PALS2: variants seen among roughly 807,000 people sequenced by gnomAD.
The protein encoded by PALS2 is protein PALS2.
PALS2 carries 27 observed loss-of-function variants against 61.6 expected under a neutral mutation model. That is an observed-to-expected ratio of 0.44 (90% CI 0.32 to 0.60). The LOEUF (loss-of-function observed/expected upper bound fraction) is 0.60, where lower values mean the gene tolerates loss of function less well. Among genes scored for constraint, PALS2 ranks in the 20% least tolerant of loss-of-function variants. PALS2 has a pLI of 0.05. For missense variants in PALS2, 554 were observed against 639.4 expected, an observed-to-expected ratio of 0.87 and a Z score of 1.44; for synonymous variants, 236 against 218.6, an observed-to-expected ratio of 1.08 and a Z score of -0.70.
chr7:24,641,064 G>A (rs1388789790), intron 2 of PALS2, among the ~76,000 whole-genome samples: 1 of 149,932 alleles, frequency 6.7e-6, no homozygotes, highest in Non-Finnish European at 1.5e-5. Context: ...TGTGGTTGAC[G>A]GTCTATTTTC....
intron 10 of PALS2, among the ~76,000 whole-genome samples, chr7:24,679,707 C>A (rs556834098): frequency 6.5e-5 from 9 of 138,712 alleles, no homozygotes; most frequent in Admixed American, 6.3e-4. Flanking sequence ...ACCTGACACA[C>A]ATGCACACCT....
intron 1 of PALS2, among the ~76,000 whole-genome samples, chr7:24,590,960 C>CGAA (rs1783262438): frequency 2.0e-5 from 3 of 151,930 alleles, no homozygotes; most frequent in Admixed American, 2.0e-4. Context: ...ACCAGCAAGC[C>CGAA]TTTCTTATCT....
chr7:24,674,732 T>C (rs1158522346), intron 9 of PALS2: 1 of 152,220 alleles, frequency 6.6e-6, no homozygotes, highest in Non-Finnish European at 1.5e-5. Context: ...GTTATAAAAT[T>C]AAGGTGATTT....
In PALS2 at chr7:24,573,772, C is replaced by T. The variant is rs1374001605; in HGVS notation, c.-3+179C>T. On this transcript the variant is annotated intron_variant, in intron 1 of 11. Coordinates refer to ENST00000222644, the MANE Select transcript of PALS2 (RefSeq NM_001303037.2). This position sits in a 1 kb window ranked among gnomAD's most constrained non-coding sequence, Gnocchi z 5.3. ...AGGGACCGGCAGGCGGCGGCGGCGG[C>T]GCCGCGGTCGGGGAGGCTGCTGGCC... 6.8e-6 allele frequency among the ~76,000 whole-genome samples: 1 copy of T among 146,810 alleles called. No individual in the cohort carries two copies. The highest frequency in any genetic ancestry group is 1.5e-5 in the Non-Finnish European group (1 of 65,964).
rs1334918854 is a variant in PALS2, at chr7:24,650,632, C to T, written c.571C>T (p.Gln191Ter). The T allele has an allele frequency of 2.5e-6, 4 of 1,612,014 alleles. No homozygotes were observed. The highest frequency in any genetic ancestry group is 3.3e-5 in the Admixed American group (2 of 59,926). Residue 191 changes from glutamine (Q) to a stop codon, truncating the protein, a stop_gained, in exon 5 of 12, where the codon CAA becomes TAA. Transcript: ENST00000222644. LOFTEE classifies it high-confidence loss of function. ...GGTTGGAAATAATCCAAAGGAATTA[C>T]AAGAATTACTGAAAAATATTAGTGG... ...HEVGNNPKEL[Q>*]ELLKNISGSV...
At chr7:24,648,555 A>G (rs1785964854) in intron 3 of PALS2, among the ~76,000 whole-genome samples, 1 of 151,894 alleles carries the variant, frequency 6.6e-6, no homozygotes, top group Admixed American at 6.6e-5. Context: ...CGGCCTCCCA[A>G]ACTGCTGGTA....
chr7:24,612,432 A>C (rs1380683096), intron 1 of PALS2, among the ~76,000 whole-genome samples: 3 of 151,806 alleles, frequency 2.0e-5, no homozygotes, highest in Non-Finnish European at 2.9e-5. Context: ...TTTTCAGGTA[A>C]ATTTTAGGAT....
At position 24,649,819 on chromosome 7, in the gene PALS2, G is replaced by A. The variant is rs371636837; in HGVS notation, c.423+55G>A. On this transcript the variant is annotated intron_variant, in intron 4 of 11. Coordinates refer to ENST00000222644, the MANE Select transcript of PALS2 (RefSeq NM_001303037.2). ...AATCTGAAATATGACATAATTTGTG[G>A]TTCAGTCACTACTCTGTTTCATTTT... 5.6e-6 allele frequency: 8 copies of A among 1,416,840 alleles called. No individual in the cohort carries two copies. The African/African-American group carries it at 1.2e-4, about 21-fold the overall frequency. The allele number at this position is 1,416,840 out of a possible 1,614,324, so 87.8% of individuals were successfully genotyped here.
chr7:24,650,556 A>G lies in PALS2; in HGVS notation c.495A>G (p.Arg165=). The G allele has an allele frequency of 6.2e-7, 1 of 1,613,696 alleles. No individual in the cohort carries two copies. The highest frequency in any genetic ancestry group is 8.5e-7 in the Non-Finnish European group (1 of 1,179,738). ...ARILHGGMID[R]QGLLHVGDII... ...TCCTCCATGGGGGAATGATAGATCG[A>G]CAAGGTCTACTTCATGTGGGAGATA... The change falls in exon 5 of 12, where the codon CGA becomes CGG. Residue 165 remains arginine (R), a synonymous_variant. Coordinates refer to ENST00000222644, the MANE Select transcript of PALS2 (RefSeq NM_001303037.2).
In PALS2 at chr7:24,582,078, A is replaced by G. The variant is rs375499562; in HGVS notation, c.-3+8485A>G. Among the ~76,000 whole-genome samples the G allele has an allele frequency of 2.2e-4, 33 of 152,354 alleles. 1 individual carries two copies. In the East Asian group the frequency reaches 6.0e-3, roughly 28 times the overall value. On this transcript the variant is annotated intron_variant, in intron 1 of 11. Transcript: ENST00000222644. ...CTTAAAAGTTTGTGAAGCAGTCTGC[A>G]TATAAGATCTAGATTTCTAATGTTT...
At chr7:24,638,561 G>A (rs1235648905) in intron 2 of PALS2, among the ~76,000 whole-genome samples, 3 of 45,572 alleles carry the variant, frequency 6.6e-5, no homozygotes, top group Non-Finnish European at 1.0e-4. Context: ...TCGATCTCCT[G>A]ACCTCGTGAT....
intron 9 of PALS2, among the ~76,000 whole-genome samples, chr7:24,677,166 GCTCT>G (rs1381036658): frequency 2.0e-5 from 3 of 151,924 alleles, no homozygotes; most frequent in African/African-American, 4.8e-5. Flanking sequence ...TCATGATTTG[GCTCT>G]CTGTCTGTTG....
In PALS2 at chr7:24,666,015, C is replaced by T; in HGVS notation, c.884-6C>T. 1 of 1,604,900 alleles carries T rather than the reference C, an allele frequency of 6.2e-7. No homozygotes were observed. The highest frequency in any genetic ancestry group is 2.2e-5 in the East Asian group (1 of 44,774). Reference sequence around the variant, plus strand: ...CTTAAGTTATATTTGTTTTATCATCCTTCAGGACCTTTTTGTGGAACTATA... The same window carrying T: ...CTTAAGTTATATTTGTTTTATCATCTTTCAGGACCTTTTTGTGGAACTATA... On this transcript the variant is annotated splice_region_variant and splice_polypyrimidine_tract_variant and intron_variant, in intron 7 of 11. Transcript: ENST00000222644.
At chr7:24,649,559 C>T in intron 3 of PALS2, 53 bp from the exon 4 acceptor site, 3 of 1,431,202 alleles carry the variant, frequency 2.1e-6, no homozygotes, top group South Asian at 1.8e-5. Flanking sequence ...CTTTTAGTAA[C>T]AAATTTCATC....
At chr7:24,584,513 G>GT (rs1194567601) in intron 1 of PALS2, among the ~76,000 whole-genome samples, 26 of 146,510 alleles carry the variant, frequency 1.8e-4, no homozygotes, top group Admixed American at 1.7e-3. Context: ...GGGGTTGTTT[G>GT]TTTTTTTCTT....
chr7:24,668,078 G>T (rs1787121633), intron 8 of PALS2, among the ~76,000 whole-genome samples: 1 of 152,034 alleles, frequency 6.6e-6, no homozygotes, highest in Middle Eastern at 3.2e-3. Flanking sequence ...CAGCACTTTG[G>T]GAGACTGAGG....
chr7:24,643,213 G>T (rs760121973), intron 3 of PALS2, among the ~76,000 whole-genome samples: 2 of 152,086 alleles, frequency 1.3e-5, no homozygotes, highest in Non-Finnish European at 2.9e-5. Context: ...CCTTAGGTTT[G>T]TGATACATTG....
intron 5 of PALS2, among the ~76,000 whole-genome samples, chr7:24,654,844 G>T (rs1786333968): frequency 7.0e-6 from 1 of 143,400 alleles, no homozygotes; most frequent in African/African-American, 2.6e-5. Context: ...CATGATCAAT[G>T]GACTTTTAGA....
At chr7:24,629,370 A>G (rs1209151615) in intron 2 of PALS2, among the ~76,000 whole-genome samples, 5 of 152,210 alleles carry the variant, frequency 3.3e-5, no homozygotes, top group African/African-American at 9.6e-5. Context: ...CGTAAGACCT[A>G]AGACCATAAA....
Sources: allele counts gnomAD v4.1 joint callset (sites outside exome capture counted in the v4.1 genomes callset), GRCh38; gene constraint gnomAD v4.1.1; non-coding constraint Gnocchi (gnomAD v3.1); transcripts MANE v1.5; gene names NCBI Gene and HGNC (gene_info 2026-07-23, HGNC 2026-07-21).